The following EDA variants were observed in gnomAD, a reference collection of about 807,000 sequenced individuals.
EDA encodes the protein ectodysplasin A, also known as ectodysplasin-A.
Under a neutral mutation model 23.6 loss-of-function variants are expected in EDA, and 2 were observed. That is an observed-to-expected ratio of 0.08 (90% CI 0.03 to 0.27). The LOEUF (loss-of-function observed/expected upper bound fraction) is 0.27. Ranked by LOEUF, EDA falls within the 10% of genes least tolerant of loss-of-function variation. The pLI is 1.00. For synonymous variants in EDA, 131 were observed against 132.0 expected (o/e 0.99, Z 0.05); for missense variants, 229 against 324.2 (o/e 0.71, Z 2.26).
intron 1 of EDA, among the ~76,000 whole-genome samples, chrX:69,734,536 G>A (rs1444689101): frequency 9.0e-6 from 1 of 111,361 alleles, no homozygotes; most frequent in African/African-American, 3.3e-5. Flanking sequence ...ACTAATGTTA[G>A]TCTTTCTATT....
chrX:69,914,049 G>A (rs1383458161), intron 1 of EDA, among the ~76,000 whole-genome samples: 1 of 111,942 alleles, frequency 8.9e-6, no homozygotes, highest in Non-Finnish European at 1.9e-5. Flanking sequence ...CATTATAACA[G>A]ATATCATAAT....
At chrX:69,723,763 T>C (rs2012682020) in intron 1 of EDA, among the ~76,000 whole-genome samples, 1 of 112,136 alleles carries the variant, frequency 8.9e-6, no homozygotes, top group Admixed American at 9.5e-5. Context: ...GAATGTTTTC[T>C]GCTGTAGTTT....
rs772723198 is a variant in EDA at position 69,616,438 on chromosome X, C to T, written c.130C>T (p.Leu44=). Residue 44 remains leucine, a synonymous_variant, in exon 1 of 8, where the codon CTG becomes TTG. Coordinates refer to ENST00000374552, the MANE Select transcript of EDA (RefSeq NM_001399.5). ...AGEGNSCLLF[L]GFFGLSLALH... Reference sequence around the variant, plus strand: ...CGAAGGGAACAGCTGCCTGCTCTTCCTGGGTTTCTTTGGCCTCTCGCTGGC... The same window carrying T: ...CGAAGGGAACAGCTGCCTGCTCTTCTTGGGTTTCTTTGGCCTCTCGCTGGC... The T allele has an allele frequency of 5.8e-6, 7 of 1,212,064 alleles. No homozygotes were observed. The Admixed American group carries it at 1.3e-4, about 23-fold the overall frequency.
chrX:69,926,662 G>A (rs746183038), intron 1 of EDA, among the ~76,000 whole-genome samples: 11 of 111,989 alleles, frequency 9.8e-5, no homozygotes, highest in Non-Finnish European at 1.9e-4. Flanking sequence ...TTCTGTAGAT[G>A]TCTATTAGGT....
chrX:69,861,956 T>C (rs1371979973), intron 1 of EDA, among the ~76,000 whole-genome samples: 4 of 112,115 alleles, frequency 3.6e-5, no homozygotes, highest in Non-Finnish European at 7.5e-5. Flanking sequence ...GTATTAGTTA[T>C]CTACGGCTGC....
intron 1 of EDA, among the ~76,000 whole-genome samples, chrX:69,951,842 GT>G (rs894301808): frequency 8.9e-6 from 1 of 112,088 alleles, no homozygotes. Flanking sequence ...AAACAAGGGT[GT>G]AATCACTTAA....
chrX:69,858,438 A>G (rs2017305784), intron 1 of EDA, among the ~76,000 whole-genome samples: 1 of 111,697 alleles, frequency 9.0e-6, no homozygotes, highest in Non-Finnish European at 1.9e-5. Context: ...AAAAACCATG[A>G]AGAGGTGTTG....
chrX:69,790,297 C>G (rs917990825), intron 1 of EDA, among the ~76,000 whole-genome samples: 1 of 109,394 alleles, frequency 9.1e-6, no homozygotes, highest in Admixed American at 9.8e-5. Context: ...CATGTGCCAT[C>G]TTTTTTCAAG....
intron 1 of EDA, among the ~76,000 whole-genome samples, chrX:69,699,205 G>A (rs941309731): frequency 2.7e-5 from 3 of 111,527 alleles, no homozygotes; most frequent in African/African-American, 3.3e-5. Context: ...GTTTGTACCC[G>A]ACATGGAAAG....
chrX:69,952,315 G>T (rs978158151), intron 1 of EDA, among the ~76,000 whole-genome samples: 1 of 112,052 alleles, frequency 8.9e-6, no homozygotes, highest in Non-Finnish European at 1.9e-5. Flanking sequence ...TCCGTGGCTG[G>T]GGAAGCCTCA....
chrX:69,794,485 A>G (rs2015494842), intron 1 of EDA, among the ~76,000 whole-genome samples: 1 of 112,511 alleles, frequency 8.9e-6, no homozygotes, highest in African/African-American at 3.2e-5. Flanking sequence ...TAATGTTAGG[A>G]CAATTATTAA....
At chrX:69,641,869 C>A (rs766709770) in intron 1 of EDA, among the ~76,000 whole-genome samples, 4 of 111,816 alleles carry the variant, frequency 3.6e-5, no homozygotes, top group Non-Finnish European at 7.5e-5. Flanking sequence ...CTCACAGTAG[C>A]TTTGTGACCT....
chrX:69,919,906 A>G (rs918345390), intron 1 of EDA, among the ~76,000 whole-genome samples: 5 of 111,685 alleles, frequency 4.5e-5, no homozygotes, highest in Admixed American at 2.9e-4. Context: ...GTCTGTGGGT[A>G]ACTGCAGGCT....
chrX:69,627,258 C>T (rs1041343635), intron 1 of EDA, among the ~76,000 whole-genome samples: 13 of 111,414 alleles, frequency 1.2e-4, no homozygotes, highest in African/African-American at 4.2e-4. Context: ...CTGTCTTCCT[C>T]GCTTTCCCTT....
chrX:70,038,475 G>A lies in EDA; in HGVS notation c.*2866G>A, dbSNP rs769776521. 1.8e-5 allele frequency: 2 copies of A among 110,728 alleles called. No homozygotes were observed. Among genetic ancestry groups the A allele is most frequent in the Non-Finnish European group, 3.8e-5 (2 of 52,959 alleles). 9.1% of individuals were successfully genotyped at this position (110,728 alleles called of 1,213,427 possible). A position where few individuals can be genotyped will look rare whatever the true frequency, so the allele number is the denominator to read the frequency against. On this transcript the variant is annotated 3_prime_UTR_variant, in exon 8 of 8. Transcript: ENST00000374552. Reference sequence around the variant, plus strand: ...ATGCTTGCATGGAGAATGGGACGAGGACATTTGTGGGCAAGCAGATGACAG... The same window carrying A: ...ATGCTTGCATGGAGAATGGGACGAGAACATTTGTGGGCAAGCAGATGACAG...
intron 1 of EDA, among the ~76,000 whole-genome samples, chrX:69,944,942 C>T (rs933137107): frequency 7.2e-5 from 8 of 111,812 alleles, no homozygotes; most frequent in African/African-American, 2.3e-4. Flanking sequence ...GGTTGCTTTC[C>T]GCTGTGACAG....
chrX:70,025,044 TA>T (rs1380602897), intron 3 of EDA, among the ~76,000 whole-genome samples: 2 of 111,876 alleles, frequency 1.8e-5, no homozygotes, highest in Non-Finnish European at 3.8e-5. Flanking sequence ...CAACTTTGTG[TA>T]AGTATGCAAG....
At chrX:69,725,394 C>A (rs980313000) in intron 1 of EDA, among the ~76,000 whole-genome samples, 2 of 112,131 alleles carry the variant, frequency 1.8e-5, no homozygotes, top group Non-Finnish European at 1.9e-5. Flanking sequence ...ATTCATCTGG[C>A]ATATTCTTGA....
intron 1 of EDA, among the ~76,000 whole-genome samples, chrX:69,766,706 G>A (rs1212689129): frequency 8.9e-6 from 1 of 112,154 alleles, no homozygotes; most frequent in East Asian, 2.8e-4. Context: ...TGGGCATTTA[G>A]GTTGATTCCA....
Sources: allele counts gnomAD v4.1 joint callset (sites outside exome capture counted in the v4.1 genomes callset), GRCh38; gene constraint gnomAD v4.1.1; transcripts MANE v1.5; gene names NCBI Gene and HGNC (gene_info 2026-07-23, HGNC 2026-07-21).